ADAM22: variants seen among roughly 807,000 people sequenced by gnomAD.
The protein encoded by ADAM22 is disintegrin and metalloproteinase domain-containing protein 22.
Under a neutral mutation model 144.6 loss-of-function variants are expected in ADAM22, and 65 were observed. The ratio of observed to expected loss-of-function variants is 0.45; its 90% CI spans 0.37 to 0.55. ADAM22 has a LOEUF of 0.55. ADAM22 is among the 20% of genes least tolerant of loss of function. The pLI is 0.00. For missense variants in ADAM22, 974 were observed against 1,184.9 expected (o/e 0.82, Z 2.61); for synonymous variants, 391 against 412.6 (o/e 0.95, Z 0.63).
At chr7:87,961,549 A>C (rs924095925) in intron 2 of ADAM22, among the ~76,000 whole-genome samples, 1 of 152,174 alleles carries the variant, frequency 6.6e-6, no homozygotes, top group African/African-American at 2.4e-5. Context: ...CCATGCACTT[A>C]AATGTAGTTG....
chr7:87,968,141 G>A (rs1849590514), intron 2 of ADAM22, among the ~76,000 whole-genome samples: 1 of 152,156 alleles, frequency 6.6e-6, no homozygotes, highest in African/African-American at 2.4e-5. Flanking sequence ...AAGGCAAGGG[G>A]AGAGAGCTAT....
At chr7:88,059,160 C>G (rs1809080297) in intron 3 of ADAM22, among the ~76,000 whole-genome samples, 1 of 152,110 alleles carries the variant, frequency 6.6e-6, no homozygotes, top group African/African-American at 2.4e-5. Flanking sequence ...AGTGATCAAT[C>G]CATGGTAAAG....
chr7:88,067,564 C>G (rs1811595852), intron 3 of ADAM22, among the ~76,000 whole-genome samples: 1 of 152,032 alleles, frequency 6.6e-6, no homozygotes, highest in African/African-American at 2.4e-5. Flanking sequence ...TTCTTTATAG[C>G]AGAATAAACG....
At chr7:87,947,711 C>G (rs922066037) in intron 2 of ADAM22, among the ~76,000 whole-genome samples, 8 of 152,028 alleles carry the variant, frequency 5.3e-5, no homozygotes, top group Admixed American at 5.2e-4. Flanking sequence ...CATCTACTTG[C>G]GGTCTTTGAT....
intron 2 of ADAM22, among the ~76,000 whole-genome samples, chr7:87,947,127 A>G (rs767008428): frequency 6.6e-6 from 1 of 152,184 alleles, no homozygotes; most frequent in Non-Finnish European, 1.5e-5. Flanking sequence ...GCGTGATAGG[A>G]TCATTCATAT....
At chr7:87,985,174 A>G (rs1025920236) in intron 3 of ADAM22, among the ~76,000 whole-genome samples, 2 of 151,720 alleles carry the variant, frequency 1.3e-5, no homozygotes, top group Non-Finnish European at 2.9e-5. Flanking sequence ...TTATCCAGGC[A>G]TGGTGGCAGG....
In ADAM22 at chr7:88,163,152, A is replaced by G. The variant is rs918736591; in HGVS notation, c.2048A>G (p.Lys683Arg). ...SFNFSTCLSS[K>R]EGTICSGNGV... ...AACTTTAGTACTTGCTTGAGCAGTA[A>G]AGAAGGCACTATTTGCTCAGGAAAT... The change falls in exon 23 of 32, where the codon AAA (lysine) becomes AGA (arginine). Residue 683 changes from lysine to arginine, a missense_variant. By Grantham distance (26) the Lys-to-Arg change is conservative. This residue lies in a region of ADAM22 where 734 missense variants were observed against 950.6 expected (regional missense o/e 0.77). Coordinates refer to ENST00000413139, the MANE Select transcript of ADAM22 (RefSeq NM_001324418.2). 1.9e-6 allele frequency: 3 copies of G among 1,608,304 alleles called. No individual in the cohort carries two copies. The Admixed American group carries it at 5.1e-5, about 27-fold the overall frequency.
chr7:88,170,634 T>C (rs1158609506), intron 25 of ADAM22, among the ~76,000 whole-genome samples: 1 of 151,972 alleles, frequency 6.6e-6, no homozygotes, highest in Non-Finnish European at 1.5e-5. Flanking sequence ...GTGCCCGTTA[T>C]CAAACGTGAT....
At position 88,068,905 on chromosome 7, in the gene ADAM22, C is replaced by T. The variant is rs113452027; in HGVS notation, c.324-6721C>T. Among the ~76,000 whole-genome samples the T allele has an allele frequency of 9.0e-3, 1,374 of 152,202 alleles. 24 individuals are homozygous for T. The highest frequency in any genetic ancestry group is 0.031 in the African/African-American group (1,305 of 41,534). On this transcript the variant is annotated intron_variant, in intron 3 of 31. Transcript: ENST00000413139. ...TGGAATCTGCAGATCTCAGATGTTA[C>T]GCAGAGCTGTAGTTTGAATGTTTGT...
rs1851245331 is a variant in ADAM22 at position 88,202,137 on chromosome 7, C to G, written c.*5646C>G. The G allele has an allele frequency of 1.3e-5, 2 of 152,048 alleles. No individual in the cohort carries two copies. The highest frequency in any genetic ancestry group is 1.3e-4 in the Admixed American group (2 of 15,274). The allele number at this position is 152,048 out of a possible 1,614,324, so 9.4% of individuals were successfully genotyped here. A position where few individuals can be genotyped will look rare whatever the true frequency, so the allele number is the denominator to read the frequency against. ...GAAACCCCACTTTTCTTTTCTAATCCAGCACAAAATCAAACTCTGATTCTA... is the reference window on the plus strand; with the variant it reads ...GAAACCCCACTTTTCTTTTCTAATCGAGCACAAAATCAAACTCTGATTCTA... On this transcript the variant is annotated 3_prime_UTR_variant, in exon 32 of 32. Transcript: ENST00000413139.
intron 3 of ADAM22, among the ~76,000 whole-genome samples, chr7:88,049,883 C>G (rs922239589): frequency 6.6e-6 from 1 of 151,754 alleles, no homozygotes; most frequent in Non-Finnish European, 1.5e-5. Context: ...ATATAAAATA[C>G]TTTTCATAAC....
intron 3 of ADAM22, among the ~76,000 whole-genome samples, chr7:88,007,824 T>A (rs1208955365): frequency 9.8e-5 from 15 of 152,300 alleles, no homozygotes; most frequent in South Asian, 4.1e-4. Context: ...ATTACCATTC[T>A]GGACATAGGC....
intron 4 of ADAM22, among the ~76,000 whole-genome samples, chr7:88,076,387 A>C (rs1814505029): frequency 6.6e-6 from 1 of 152,110 alleles, no homozygotes; most frequent in African/African-American, 2.4e-5. Flanking sequence ...AGATTATGTC[A>C]CTGAAAGTAG....
At chr7:87,994,321 C>T (rs755432988) in intron 3 of ADAM22, among the ~76,000 whole-genome samples, 6 of 152,022 alleles carry the variant, frequency 3.9e-5, no homozygotes, top group African/African-American at 1.4e-4. Flanking sequence ...CCACCACGCC[C>T]GGCTAATTTT....
At chr7:88,164,705 A>C (rs534837536) in intron 23 of ADAM22, among the ~76,000 whole-genome samples, 188 of 152,246 alleles carry the variant, frequency 1.2e-3, no homozygotes, top group African/African-American at 4.4e-3. Context: ...GAAGGAGTTA[A>C]CTTGTAAAAC....
intron 3 of ADAM22, among the ~76,000 whole-genome samples, chr7:88,003,537 T>G (rs1307878351): frequency 6.6e-6 from 1 of 151,968 alleles, no homozygotes; most frequent in African/African-American, 2.4e-5. Flanking sequence ...CACACTGAAT[T>G]TTTTTTCAAA....
chr7:88,083,197 A>T (rs1327888392), intron 4 of ADAM22, among the ~76,000 whole-genome samples: 1 of 152,200 alleles, frequency 6.6e-6, no homozygotes, highest in African/African-American at 2.4e-5. Context: ...AGGGACATGG[A>T]TGAAGCTGGA....
chr7:88,103,629 A>C (rs1823551846), intron 4 of ADAM22, among the ~76,000 whole-genome samples: 2 of 152,178 alleles, frequency 1.3e-5, no homozygotes, highest in Non-Finnish European at 2.9e-5. Context: ...TTTCTGGAAC[A>C]AAAGAGACAA....
intron 2 of ADAM22, among the ~76,000 whole-genome samples, chr7:87,954,061 A>T (rs1382926925): frequency 6.6e-6 from 1 of 152,046 alleles, no homozygotes; most frequent in Non-Finnish European, 1.5e-5. Flanking sequence ...GGGTTTCCTG[A>T]ATACAGCACA....
Sources: gnomAD v4.1 joint callset for allele counts (sites outside exome capture counted in the v4.1 genomes callset) on GRCh38, gnomAD v4.1.1 for gene constraint, gnomAD v4.1.1 regional missense constraint, MANE v1.5 for transcripts, NCBI Gene and HGNC (gene_info 2026-07-23, HGNC 2026-07-21) for gene names.